DNM3: variants seen among roughly 807,000 people sequenced by gnomAD.
DNM3 encodes dynamin 3, also known as dynamin-3.
In DNM3, 47 loss-of-function variants were observed where a neutral mutation model predicts 101.6. The observed-to-expected ratio is 0.46, with a 90% CI of 0.37 to 0.59. DNM3 has a LOEUF of 0.59. Ranked by LOEUF, DNM3 falls within the 20% of genes least tolerant of loss-of-function variation. The probability of loss-of-function intolerance (pLI) is 0.00; values close to 1 mark genes in which losing one functional copy is unlikely to be tolerated. For missense variants in DNM3, 849 were observed against 1,085.7 expected, an observed-to-expected ratio of 0.78 and a Z score of 3.06; for synonymous variants, 385 against 387.9, an observed-to-expected ratio of 0.99 and a Z score of 0.09.
intron 15 of DNM3, among the ~76,000 whole-genome samples, chr1:172,271,424 G>A (rs915688071): frequency 6.6e-6 from 1 of 152,052 alleles, no homozygotes; most frequent in African/African-American, 2.4e-5. Flanking sequence ...TTATTGAAAA[G>A]AGTGGCTTTT....
At chr1:171,894,569 T>C (rs1386062675) in intron 1 of DNM3, among the ~76,000 whole-genome samples, 1 of 152,150 alleles carries the variant, frequency 6.6e-6, no homozygotes, top group African/African-American at 2.4e-5. Context: ...CATGCCTGGC[T>C]AATTTGTTTG....
intron 2 of DNM3, among the ~76,000 whole-genome samples, chr1:171,924,699 C>T (rs545541239): frequency 1.3e-5 from 2 of 152,270 alleles, no homozygotes; most frequent in South Asian, 2.1e-4. Flanking sequence ...ATGGGGATTA[C>T]AATTCAAGAT....
At chr1:172,029,685 G>T (rs1388765355) in intron 4 of DNM3, among the ~76,000 whole-genome samples, 1 of 152,186 alleles carries the variant, frequency 6.6e-6, no homozygotes, top group East Asian at 1.9e-4. Context: ...ATCTCCTTAA[G>T]CTGATAAGCA....
intron 2 of DNM3, among the ~76,000 whole-genome samples, chr1:171,939,326 A>G (rs2041663215): frequency 6.6e-6 from 1 of 152,232 alleles, no homozygotes; most frequent in Non-Finnish European, 1.5e-5. Context: ...AAGAAATAAT[A>G]TATTTCAGTA....
chr1:172,274,677 C>A (rs186603954), intron 15 of DNM3, among the ~76,000 whole-genome samples: 2 of 150,780 alleles, frequency 1.3e-5, no homozygotes, highest in Admixed American at 6.6e-5. Flanking sequence ...AATTTAAAAC[C>A]GAGAATTTCC....
downstream of DNM3, among the ~76,000 whole-genome samples, chr1:172,417,161 C>T (rs2071458947): frequency 6.6e-6 from 1 of 151,936 alleles, no homozygotes; most frequent in East Asian, 1.9e-4. Context: ...TGGAAGTGAG[C>T]GTTGTTGAAC....
intron 13 of DNM3, among the ~76,000 whole-genome samples, chr1:172,127,340 T>C (rs2056686725): frequency 6.6e-6 from 1 of 151,630 alleles, no homozygotes; most frequent in Admixed American, 6.6e-5. Context: ...CTCCTATCTT[T>C]GTCCTTGTAT....
intron 15 of DNM3, among the ~76,000 whole-genome samples, chr1:172,279,166 T>G (rs1437210311): frequency 1.3e-5 from 2 of 152,194 alleles, no homozygotes; most frequent in Admixed American, 1.3e-4. Context: ...GAAAAATAAT[T>G]GGAAGCATTT....
intron 13 of DNM3, among the ~76,000 whole-genome samples, chr1:172,096,379 G>A (rs2054245064): frequency 6.6e-6 from 1 of 152,196 alleles, no homozygotes; most frequent in Non-Finnish European, 1.5e-5. Context: ...GGTGAGACAA[G>A]ACTGGAAAAA....
chr1:172,080,535 A>G (rs114369415), intron 11 of DNM3, among the ~76,000 whole-genome samples: 2 of 152,330 alleles, frequency 1.3e-5, no homozygotes, highest in African/African-American at 2.4e-5. Flanking sequence ...GAGAATTTCA[A>G]GATGGCAGAT....
intron 18 of DNM3, among the ~76,000 whole-genome samples, chr1:172,385,519 T>C (rs2069133511): frequency 6.6e-6 from 1 of 152,240 alleles, no homozygotes; most frequent in Non-Finnish European, 1.5e-5. Flanking sequence ...TACTTTCACC[T>C]TTGAATCACT....
chr1:172,277,183 A>T (rs929666025), intron 15 of DNM3, among the ~76,000 whole-genome samples: 7 of 152,102 alleles, frequency 4.6e-5, no homozygotes, highest in African/African-American at 1.7e-4. Flanking sequence ...TTAATGATAT[A>T]GTATAACAAA....
In DNM3 at chr1:171,969,046, T is replaced by G. The variant is rs146350057; in HGVS notation, c.236-18610T>G. Among the ~76,000 whole-genome samples, 76 of 152,340 alleles carry G rather than the reference T, an allele frequency of 5.0e-4. 1 individual carries two copies. The East Asian group carries it at 0.014, about 29-fold the overall frequency. On this transcript the variant is annotated intron_variant, in intron 2 of 20. Coordinates refer to ENST00000627582, the MANE Select transcript of DNM3 (RefSeq NM_015569.5). Reference sequence around the variant, plus strand: ...ATAACTGTTATCATTATTTTAATAATGACATTTACACGAGCTTTAGCATGT... The same window carrying G: ...ATAACTGTTATCATTATTTTAATAAGGACATTTACACGAGCTTTAGCATGT...
chr1:171,926,809 T>TA (rs2040609181), intron 2 of DNM3, among the ~76,000 whole-genome samples: 1 of 152,208 alleles, frequency 6.6e-6, no homozygotes, highest in African/African-American at 2.4e-5. Flanking sequence ...ATCACAGAAT[T>TA]ACCTCAATAG....
rs60339425 is a variant in DNM3, at chr1:172,127,385, CTTATTATTA to C, written c.1546-3757_1546-3749del. ...TGTATCGCCAATCTCTTACTCTCTA[CTTATTATTA>C]TTATTATTATTATTATTATTATTAT... On this transcript the variant is annotated intron_variant, in intron 13 of 20. Coordinates refer to ENST00000627582, the MANE Select transcript of DNM3 (RefSeq NM_015569.5). Among the ~76,000 whole-genome samples the C allele has an allele frequency of 9.4e-3, 1,289 of 137,660 alleles. 14 individuals are homozygous for C. Among genetic ancestry groups the C allele is most frequent in the South Asian group, 0.026 (110 of 4,152 alleles). 90.3% of individuals were successfully genotyped at this position (137,660 alleles called of 152,430 possible).
At chr1:172,020,589 G>A (rs1213871130) in intron 4 of DNM3, among the ~76,000 whole-genome samples, 1 of 151,852 alleles carries the variant, frequency 6.6e-6, no homozygotes, top group African/African-American at 2.4e-5. Context: ...CGGGCATGGT[G>A]GCGGGCGCCT....
At chr1:171,967,797 A>G (rs2043695225) in intron 2 of DNM3, among the ~76,000 whole-genome samples, 1 of 152,028 alleles carries the variant, frequency 6.6e-6, no homozygotes, top group African/African-American at 2.4e-5. Flanking sequence ...CCTTCCCATA[A>G]CTTGTTCCAT....
intron 2 of DNM3, among the ~76,000 whole-genome samples, chr1:171,962,168 A>G (rs1472792909): frequency 6.6e-6 from 1 of 152,212 alleles, no homozygotes; most frequent in Non-Finnish European, 1.5e-5. Flanking sequence ...CAAGAATGTA[A>G]TCATCAATTT....
rs2035088236 is a variant in DNM3, at chr1:171,869,641, T to G, written c.161+27824T>G. Among the ~76,000 whole-genome samples the G allele has an allele frequency of 2.6e-5, 4 of 152,354 alleles. No homozygotes were observed. The South Asian group carries it at 8.3e-4, about 32-fold the overall frequency. ...TCCACTTACTTAATTACAAATGGAT[T>G]CGTGTCATGAAGGGTAATCATTAGT... On this transcript the variant is annotated intron_variant, in intron 1 of 20. Coordinates refer to ENST00000627582, the MANE Select transcript of DNM3 (RefSeq NM_015569.5).
Sources: allele counts gnomAD v4.1 joint callset (sites outside exome capture counted in the v4.1 genomes callset), GRCh38; gene constraint gnomAD v4.1.1; transcripts MANE v1.5; gene names NCBI Gene and HGNC (gene_info 2026-07-23, HGNC 2026-07-21).